LIPA: variants seen among roughly 807,000 people sequenced by gnomAD.
The protein encoded by LIPA is lipase A, lysosomal acid type.
Under a neutral mutation model 40.6 loss-of-function variants are expected in LIPA, and 26 were observed. The ratio of observed to expected loss-of-function variants is 0.64; its 90% CI spans 0.47 to 0.89. The LOEUF is 0.89. LIPA is among the 40% of genes least tolerant of loss of function. The probability of loss-of-function intolerance (pLI) is 0.00; values close to 1 mark genes in which losing one functional copy is unlikely to be tolerated. For missense variants in LIPA, 455 were observed against 479.6 expected (o/e 0.95, Z 0.48); for synonymous variants, 188 against 168.4 (o/e 1.12, Z -0.90).
chr10:89,383,385 G>A (rs1844177549), intron 2 of LIPA: 1 of 1,614,214 alleles, frequency 6.2e-7, no homozygotes, highest in Non-Finnish European at 8.5e-7. Flanking sequence ...TTACATGGAA[G>A]TTGTTAATTG....
intron 1 of LIPA, among the ~76,000 whole-genome samples, chr10:89,290,329 C>G (rs1474261245): frequency 2.0e-5 from 3 of 152,154 alleles, no homozygotes; most frequent in African/African-American, 7.2e-5. Context: ...CTAACAACCC[C>G]ACAGTATCAC....
In LIPA at chr10:89,392,475, C is replaced by T. The variant is rs74506869; in HGVS notation, c.61+20316G>A. 2.8e-4 allele frequency: 67 copies of T among 242,470 alleles called. 7 individuals are homozygous for T. In the Middle Eastern group the frequency reaches 4.5e-3, roughly 16 times the overall value. The allele number at this position is 242,470 out of a possible 1,614,324, so 15.0% of individuals were successfully genotyped here. A position where few individuals can be genotyped will look rare whatever the true frequency, so the allele number is the denominator to read the frequency against. ...AGAAACAAAGTTTCATTCCCCACCC[C>T]CCCCCGTCAGCAGGAATTCCGCTAG... On this transcript the variant is annotated intron_variant, in intron 2 of 8. Coordinates refer to the LIPA transcript ENST00000371837.
chr10:89,247,379 C>CAAAAAAAAAAA (rs71022556), intron 2 of LIPA, among the ~76,000 whole-genome samples, 159 bp downstream of exon 2: 2 of 75,448 alleles, frequency 2.7e-5, no homozygotes, highest in Non-Finnish European at 4.8e-5. Flanking sequence ...GACTCTGCCT[C>CAAAAAAAAAAA]AAAAAAAAAA....
chr10:89,241,314 G>T (rs762484195), intron 3 of LIPA, among the ~76,000 whole-genome samples: 1 of 152,086 alleles, frequency 6.6e-6, no homozygotes, highest in South Asian at 2.1e-4. Flanking sequence ...TACCCAATGC[G>T]CCATCAGAGT....
intron 2 of LIPA, chr10:89,383,705 C>T: frequency 1.2e-6 from 2 of 1,614,226 alleles, no homozygotes; most frequent in Admixed American, 3.3e-5. Context: ...TTTGCAAATC[C>T]TTCCCGCTAT....
chr10:89,261,473 C>G (rs1452967071), intron 1 of LIPA, among the ~76,000 whole-genome samples: 1 of 151,566 alleles, frequency 6.6e-6, no homozygotes, highest in Non-Finnish European at 1.5e-5. Flanking sequence ...CCATTGCACT[C>G]CAGCCGGGGT....
At chr10:89,403,286 C>T in intron 2 of LIPA, 8 of 1,614,080 alleles carry the variant, frequency 5.0e-6, no homozygotes, top group Non-Finnish European at 6.8e-6. Flanking sequence ...AAAAAAAGCC[C>T]ACATTTGAGG....
rs199847943 is a variant in LIPA at position 89,403,167 on chromosome 10, C to G, written c.61+9624G>C. 46 of 1,613,870 alleles carry G rather than the reference C, an allele frequency of 2.9e-5. No individual in the cohort carries two copies. The East Asian group carries it at 9.4e-4, about 33-fold the overall frequency. ...CCAGATAGGGCTTTGCTACAAGGCACAAATGATCCAAATCAAGGAGGCTAC... is the reference window on the plus strand; with the variant it reads ...CCAGATAGGGCTTTGCTACAAGGCAGAAATGATCCAAATCAAGGAGGCTAC... On this transcript the variant is annotated intron_variant, in intron 2 of 8. Coordinates refer to the LIPA transcript ENST00000371837.
chr10:89,264,446 G>A (rs1384282076), intron 1 of LIPA, among the ~76,000 whole-genome samples: 1 of 152,024 alleles, frequency 6.6e-6, no homozygotes, highest in Non-Finnish European at 1.5e-5. Flanking sequence ...TTGTCCCAAT[G>A]AGTGTGCAGC....
At chr10:89,350,375 G>A (rs1372537804) in intron 2 of LIPA, among the ~76,000 whole-genome samples, 1 of 144,032 alleles carries the variant, frequency 6.9e-6, no homozygotes, top group Non-Finnish European at 1.5e-5. Flanking sequence ...GCGCAATCTC[G>A]GCTCACTGCA....
chr10:89,312,010 CT>C (rs1843519301), intron 1 of LIPA, among the ~76,000 whole-genome samples: 1 of 152,194 alleles, frequency 6.6e-6, no homozygotes, highest in South Asian at 2.1e-4. Flanking sequence ...CTCTCTCTTC[CT>C]TTTTCTCTCC....
At chr10:89,302,090 G>A in intron 1 of LIPA, 1 of 1,613,790 alleles carries the variant, frequency 6.2e-7, no homozygotes, top group Non-Finnish European at 8.5e-7. Context: ...CCTGAACCGA[G>A]CCCTGCCGAA....
intron 1 of LIPA, among the ~76,000 whole-genome samples, chr10:89,337,079 G>A (rs1843754147): frequency 6.6e-6 from 1 of 152,200 alleles, no homozygotes; most frequent in Non-Finnish European, 1.5e-5. Flanking sequence ...GTGTGGTGGG[G>A]AGACTACTTC....
chr10:89,222,682 C>T (rs1842715882), intron 7 of LIPA, 100 bp from the exon 8 acceptor site: 1 of 810,560 alleles, frequency 1.2e-6, no homozygotes, highest in South Asian at 1.4e-5. Context: ...AAAACTAGAG[C>T]CATAATCTCA....
chr10:89,247,743 G>T, intron 1 of LIPA, 94 bp from the exon 2 acceptor site: 1 of 843,018 alleles, frequency 1.2e-6, no homozygotes, highest in Non-Finnish European at 2.0e-6. Flanking sequence ...TTCTGAACCA[G>T]ATTTAGGGCA....
chr10:89,243,993 A>T (rs778770503), intron 3 of LIPA, among the ~76,000 whole-genome samples: 7 of 152,322 alleles, frequency 4.6e-5, no homozygotes, highest in Non-Finnish European at 1.0e-4. Context: ...GGGAAAAAAA[A>T]GGAAGGAAAC....
At chr10:89,365,627 A>G (rs1368815025) in intron 2 of LIPA, among the ~76,000 whole-genome samples, 2 of 152,066 alleles carry the variant, frequency 1.3e-5, no homozygotes, top group Non-Finnish European at 2.9e-5. Context: ...TAATTTTTGT[A>G]TAAGGTGTAA....
intron 7 of LIPA, among the ~76,000 whole-genome samples, 197 bp downstream of exon 7, chr10:89,223,487 T>C (rs1842726533): frequency 6.6e-6 from 1 of 152,202 alleles, no homozygotes; most frequent in African/African-American, 2.4e-5. Flanking sequence ...CATAAGAAGG[T>C]GACCACAGTC....
intron 2 of LIPA, among the ~76,000 whole-genome samples, chr10:89,389,575 T>G (rs549982259): frequency 2.0e-5 from 3 of 152,324 alleles, no homozygotes; most frequent in African/African-American, 2.4e-5. Context: ...CTACAAGAGA[T>G]GACCCTGGAA....
Sources: allele counts gnomAD v4.1 joint callset (sites outside exome capture counted in the v4.1 genomes callset), GRCh38; gene constraint gnomAD v4.1.1; transcripts MANE v1.5; gene names NCBI Gene and HGNC (gene_info 2026-07-23, HGNC 2026-07-21).